Variants in IDE observed in about 807,000 individuals in gnomAD.
IDE encodes the protein insulin-degrading enzyme.
A neutral mutation model predicts 133.2 loss-of-function variants in IDE; 58 were observed. That is an observed-to-expected ratio of 0.44 (90% CI 0.35 to 0.54). The LOEUF (loss-of-function observed/expected upper bound fraction) is 0.54, where lower values mean the gene tolerates loss of function less well. Among genes scored for constraint, IDE ranks in the 20% least tolerant of loss-of-function variants. The pLI is 0.00. For synonymous variants in IDE, 396 were observed against 421.3 expected (o/e 0.94, Z 0.73); for missense variants, 981 against 1,234.0 (o/e 0.79, Z 3.07).
At chr10:92,519,318 GACACAT>G (rs1167905905) in intron 4 of IDE, among the ~76,000 whole-genome samples, 1 of 152,196 alleles carries the variant, frequency 6.6e-6, no homozygotes, top group Admixed American at 6.5e-5. Context: ...TCAGTCTCTA[GACACAT>G]ACTGTCCTAA....
intron 2 of IDE, among the ~76,000 whole-genome samples, chr10:92,535,338 C>T (rs1393433240): frequency 2.0e-5 from 3 of 152,114 alleles, no homozygotes; most frequent in Non-Finnish European, 4.4e-5. Flanking sequence ...CTCCTGACCT[C>T]GTGATCCGCC....
intron 12 of IDE, among the ~76,000 whole-genome samples, chr10:92,490,051 C>G (rs1439056149): frequency 6.6e-6 from 1 of 152,214 alleles, no homozygotes; most frequent in African/African-American, 2.4e-5. Context: ...ACAAAAAGAA[C>G]GGTGCTATAA....
At chr10:92,512,370 C>T (rs1848677682) in intron 5 of IDE, among the ~76,000 whole-genome samples, 1 of 152,132 alleles carries the variant, frequency 6.6e-6, no homozygotes. Context: ...AAGTCAGTCA[C>T]AATGGGAGAG....
intron 4 of IDE, among the ~76,000 whole-genome samples, chr10:92,528,645 A>G (rs1434366397): frequency 2.6e-5 from 4 of 152,314 alleles, no homozygotes; most frequent in Non-Finnish European, 2.9e-5. Context: ...ACTAATCTAT[A>G]CTATTTCTGA....
Position 92,483,284 on chromosome 10 carries a change from C to G in IDE, c.1710G>C (p.Pro570=), listed in dbSNP as rs368772960. 1.2e-5 allele frequency: 19 copies of G among 1,606,108 alleles called. No individual in the cohort carries two copies. The highest frequency in any genetic ancestry group is 1.5e-5 in the Non-Finnish European group (18 of 1,173,060). Residue 570 remains proline, a synonymous_variant, in exon 14 of 25, where the codon CCG becomes CCC. Coordinates refer to ENST00000265986, the MANE Select transcript of IDE (RefSeq NM_004969.4). ...AAAATTCAAAGTTGAGACAAGCCTT[C>G]GGCAAAAAAAACTTATCATCTTGTT... ...WFKQDDKFFL[P]KACLNFEFFS...
intron 14 of IDE, among the ~76,000 whole-genome samples, chr10:92,481,944 T>C (rs1287623321): frequency 2.0e-5 from 3 of 152,076 alleles, no homozygotes; most frequent in African/African-American, 4.8e-5. Flanking sequence ...TATCAAAAAA[T>C]AAAAAGCAGC....
intron 2 of IDE, 74 bp downstream of exon 2, chr10:92,537,292 T>A: frequency 8.4e-7 from 1 of 1,188,900 alleles, no homozygotes; most frequent in Non-Finnish European, 1.2e-6. Context: ...TAAACACGTA[T>A]GGAAAGTTCT....
At chr10:92,521,884 G>T (rs980960329) in intron 4 of IDE, among the ~76,000 whole-genome samples, 13 of 151,954 alleles carry the variant, frequency 8.6e-5, no homozygotes, top group South Asian at 2.1e-4. Flanking sequence ...GAATTGCTAT[G>T]TTTTAGAGAT....
intron 14 of IDE, among the ~76,000 whole-genome samples, chr10:92,482,747 A>G (rs183462928): frequency 9.3e-4 from 141 of 152,276 alleles, no homozygotes; most frequent in African/African-American, 2.9e-3. Context: ...AGAAAAAAAA[A>G]AAGAATTAAC....
intron 1 of IDE, among the ~76,000 whole-genome samples, chr10:92,544,363 G>T (rs913948469): frequency 2.0e-5 from 3 of 152,094 alleles, no homozygotes; most frequent in African/African-American, 2.4e-5. Context: ...GTGGTGGGTC[G>T]TAACAGCTGT....
chr10:92,513,859 C>T lies in IDE; in HGVS notation c.784+1061G>A, dbSNP rs571538282. ...GTGAACAAAACAAAGTTTCTATTCTCAAGTAATTTACACTTTGGTAGGGTG... is the reference window on the plus strand; with the variant it reads ...GTGAACAAAACAAAGTTTCTATTCTTAAGTAATTTACACTTTGGTAGGGTG... On this transcript the variant is annotated intron_variant, in intron 5 of 24. Transcript: ENST00000265986. Among the ~76,000 whole-genome samples the T allele has an allele frequency of 4.6e-5, 7 of 152,020 alleles. No homozygotes were observed. The South Asian group carries it at 1.4e-3, about 31-fold the overall frequency.
At chr10:92,505,644 A>T (rs1010128834) in intron 10 of IDE, among the ~76,000 whole-genome samples, 1 of 152,234 alleles carries the variant, frequency 6.6e-6, no homozygotes, top group African/African-American at 2.4e-5. Context: ...CAATAAAAAA[A>T]GGGGCAGGGG....
intron 11 of IDE, among the ~76,000 whole-genome samples, chr10:92,495,574 C>T (rs2135484905): frequency 6.6e-6 from 1 of 152,210 alleles, no homozygotes; most frequent in Admixed American, 6.5e-5. Context: ...TGGTCTCCAA[C>T]TCCTGACCTC....
chr10:92,500,696 C>T (rs1254254264), intron 11 of IDE, among the ~76,000 whole-genome samples: 1 of 151,818 alleles, frequency 6.6e-6, no homozygotes, highest in African/African-American at 2.4e-5. Context: ...GTCTTAATTA[C>T]TGAAGCTTTA....
intron 5 of IDE, among the ~76,000 whole-genome samples, chr10:92,510,773 AGC>A (rs1172586788): frequency 1.5e-5 from 1 of 65,280 alleles, no homozygotes; most frequent in African/African-American, 7.3e-5. Flanking sequence ...TATGATATAT[AGC>A]ACATACATCT....
intron 1 of IDE, among the ~76,000 whole-genome samples, chr10:92,569,436 C>T (rs990636774): frequency 8.5e-5 from 13 of 152,198 alleles, no homozygotes; most frequent in African/African-American, 3.1e-4. Context: ...GTTCTAAAAC[C>T]TGTTCAGGTG....
chr10:92,511,649 T>C (rs1342920630), intron 5 of IDE, among the ~76,000 whole-genome samples: 3 of 152,012 alleles, frequency 2.0e-5, no homozygotes, highest in African/African-American at 7.2e-5. Flanking sequence ...CCTTTAAGTG[T>C]AGGCATTTGC....
chr10:92,460,710 T>C (rs1277513904), intron 22 of IDE, among the ~76,000 whole-genome samples: 1 of 152,238 alleles, frequency 6.6e-6, no homozygotes, highest in Non-Finnish European at 1.5e-5. Flanking sequence ...CAGTACTTGG[T>C]TCAATAAAAA....
chr10:92,467,903 T>C (rs1463946400), intron 19 of IDE, among the ~76,000 whole-genome samples: 1 of 152,224 alleles, frequency 6.6e-6, no homozygotes, highest in African/African-American at 2.4e-5. Flanking sequence ...TTCCAGTTGC[T>C]TTAGAAGCTA....
Sources: gnomAD v4.1 joint callset for allele counts (sites outside exome capture counted in the v4.1 genomes callset) on GRCh38, gnomAD v4.1.1 for gene constraint, MANE v1.5 for transcripts, NCBI Gene and HGNC (gene_info 2026-07-23, HGNC 2026-07-21) for gene names.